Variants in IRF8 observed in about 807,000 individuals in gnomAD.
IRF8 encodes interferon regulatory factor 8, also known as interferon consensus sequence binding protein 1.
In IRF8, 14 loss-of-function variants were observed where a neutral mutation model predicts 48.7. That is an observed-to-expected ratio of 0.29 (90% CI 0.19 to 0.45). The LOEUF (loss-of-function observed/expected upper bound fraction) is 0.45. Ranked by LOEUF, IRF8 falls within the 20% of genes least tolerant of loss-of-function variation. IRF8 has a pLI of 1.00. For missense variants in IRF8, 493 were observed against 580.7 expected (o/e 0.85, Z 1.55); for synonymous variants, 278 against 227.3 (o/e 1.22, Z -2.01).
Position 85,913,026 on chromosome 16 carries a change from A to C in IRF8, c.448-105A>C. 3.4e-6 allele frequency: 3 copies of C among 873,880 alleles called. 1 individual carries two copies. In the South Asian group the frequency reaches 3.9e-5, roughly 11 times the overall value. 54.1% of individuals were successfully genotyped at this position (873,880 alleles called of 1,614,324 possible). A position where few individuals can be genotyped will look rare whatever the true frequency, so the allele number is the denominator to read the frequency against. The stretch of plus-strand genomic sequence containing the variant: ...TTTGTCTCCTGAGATAAAGGTGACA[A>C]TATGGTTTTACTTACACATGAACTG... On this transcript the variant is annotated intron_variant, in intron 4 of 8. Coordinates refer to ENST00000268638, the MANE Select transcript of IRF8 (RefSeq NM_002163.4).
chr16:85,911,603 A>G lies in IRF8; in HGVS notation c.392A>G (p.Asn131Ser), dbSNP rs867018516. Reference protein sequence around the residue: ...KLGVATAGCVNEVTEMECGRS... With the variant: ...KLGVATAGCVSEVTEMECGRS... ...GGCGTGGCAACTGCTGGCTGCGTGA[A>G]TGAAGTTACAGAGATGGAGTGCGGT... The change falls in exon 4 of 9, where the codon AAT (asparagine) becomes AGT (serine). Residue 131 changes from asparagine (N) to serine (S), a missense_variant. Around this residue, in one of 3 missense-constraint regions of IRF8, gnomAD observed 408 missense variants for 449.6 expected, o/e 0.91. Transcript: ENST00000268638. 1.2e-6 allele frequency: 2 copies of G among 1,614,116 alleles called. No individual in the cohort carries two copies. The highest frequency in any genetic ancestry group is 1.1e-5 in the South Asian group (1 of 91,086).
intron 5 of IRF8, chr16:85,914,124 A>C: frequency 2.9e-6 from 1 of 350,676 alleles, no homozygotes; most frequent in Non-Finnish European, 5.5e-6. Flanking sequence ...GCTCTCCCCC[A>C]GAGATAAGCC....
At chr16:85,900,194 G>C (rs538351115) in intron 1 of IRF8, among the ~76,000 whole-genome samples, 1 of 152,294 alleles carries the variant, frequency 6.6e-6, no homozygotes, top group African/African-American at 2.4e-5. Flanking sequence ...GGCCCTCCGA[G>C]GCGGGGGAGA....
chr16:85,919,237 C>T (rs545024159), intron 7 of IRF8, among the ~76,000 whole-genome samples: 2 of 152,296 alleles, frequency 1.3e-5, no homozygotes, highest in East Asian at 1.9e-4. Context: ...GCTGACTTTC[C>T]GCACACTAAG....
chr16:85,907,659 AGAGT>A (rs1411955692), intron 2 of IRF8, among the ~76,000 whole-genome samples: 10 of 152,224 alleles, frequency 6.6e-5, no homozygotes, highest in African/African-American at 2.4e-4. Context: ...GACTGGTGAC[AGAGT>A]GAGACTCCGT....
intron 2 of IRF8, among the ~76,000 whole-genome samples, chr16:85,903,797 A>C (rs1025274961): frequency 2.6e-5 from 4 of 152,140 alleles, no homozygotes; most frequent in African/African-American, 9.7e-5. Flanking sequence ...TTCTGCTCAC[A>C]TGATCCTGTG....
In IRF8 at chr16:85,914,145, G is replaced by A. The variant is rs182056137; in HGVS notation, c.554-328G>A. On this transcript the variant is annotated intron_variant, in intron 5 of 8. Transcript: ENST00000268638. ...CCCCAGAGATAAGCCCTGGGTGGTGGGTATGCAGTCCAGTGGTATTCTGGG... is the reference window on the plus strand; with the variant it reads ...CCCCAGAGATAAGCCCTGGGTGGTGAGTATGCAGTCCAGTGGTATTCTGGG... 5.6e-3 allele frequency: 2,224 copies of A among 396,938 alleles called. 25 individuals are homozygous for A. Among genetic ancestry groups the A allele is most frequent in the Non-Finnish European group, 9.0e-3 (1,877 of 208,210 alleles). The allele number at this position is 396,938 out of a possible 1,614,324, so 24.6% of individuals were successfully genotyped here.
chr16:85,911,852 G>A (rs1011804490), intron 4 of IRF8, among the ~76,000 whole-genome samples, 194 bp downstream of exon 4: 6 of 152,208 alleles, frequency 3.9e-5, no homozygotes, highest in African/African-American at 9.6e-5. Flanking sequence ...AGCTTCTGCC[G>A]ACAGGTCAAC....
rs757320154 is a variant in IRF8, at chr16:85,914,489, G to A, written c.570G>A (p.Thr190=). 27 of 1,614,132 alleles carry A rather than the reference G, an allele frequency of 1.7e-5. No homozygotes were observed. Among genetic ancestry groups the A allele is most frequent in the East Asian group, 6.7e-5 (3 of 44,866 alleles). ...CTCCTGCAGGCGTGCCGCTGGTGAC[G>A]GGGTACACCACCTACGACGCGCACC... The part of the protein sequence containing the change: ...QQPSTGVPLV[T]GYTTYDAHHS... The change falls in exon 6 of 9, where the codon ACG becomes ACA. Residue 190 remains threonine, a synonymous_variant. Coordinates refer to ENST00000268638, the MANE Select transcript of IRF8 (RefSeq NM_002163.4).
intron 1 of IRF8, chr16:85,902,546 G>T (rs186740908): frequency 4.4e-4 from 101 of 229,640 alleles, no homozygotes; most frequent in African/African-American, 2.1e-3. Context: ...CGGCACGGAC[G>T]CAGTATTCTA....
intron 7 of IRF8, among the ~76,000 whole-genome samples, chr16:85,919,627 C>T (rs909397949): frequency 6.6e-6 from 1 of 152,242 alleles, no homozygotes; most frequent in Non-Finnish European, 1.5e-5. Context: ...ACCTCACATC[C>T]TCTGATTCCA....
rs1167377783 is a variant in IRF8 at position 85,903,172 on chromosome 16, G to C, written c.157G>C (p.Asp53His). ...CAAGCAAGATTATAATCAGGAAGTG[G>C]ATGCCTCCATTTTTAAGGTAAAGAG... ...AGKQDYNQEV[D>H]ASIFKAWAVF... Residue 53 changes from aspartate (D) to histidine (H), a missense_variant, in exon 2 of 9, where the codon GAT becomes CAT. Asp to His is a moderately conservative substitution (Grantham distance 81). Around this residue, in one of 3 missense-constraint regions of IRF8, gnomAD observed 31 missense variants for 71.2 expected, o/e 0.44. Coordinates refer to ENST00000268638, the MANE Select transcript of IRF8 (RefSeq NM_002163.4). The C allele has an allele frequency of 6.2e-7, 1 of 1,614,110 alleles. No individual in the cohort carries two copies. Among genetic ancestry groups the C allele is most frequent in the East Asian group, 2.2e-5 (1 of 44,886 alleles).
intron 6 of IRF8, 130 bp downstream of exon 6, chr16:85,914,650 A>T: frequency 9.7e-7 from 1 of 1,030,040 alleles, no homozygotes. Flanking sequence ...GGTTCCAAGG[A>T]TGAGCAGGAC....
At chr16:85,916,499 C>T (rs1905310074) in intron 6 of IRF8, among the ~76,000 whole-genome samples, 2 of 152,220 alleles carry the variant, frequency 1.3e-5, no homozygotes, top group South Asian at 4.1e-4. Context: ...AGCTGCTTCT[C>T]ACCTGTCAGG....
chr16:85,905,987 A>G (rs961579601), intron 2 of IRF8, among the ~76,000 whole-genome samples: 3 of 152,228 alleles, frequency 2.0e-5, no homozygotes, highest in Admixed American at 6.5e-5. Context: ...GACCCTGAGT[A>G]CACTGATGAG....
intron 1 of IRF8, among the ~76,000 whole-genome samples, chr16:85,901,492 T>G (rs1295034548): frequency 6.6e-6 from 1 of 152,068 alleles, no homozygotes; most frequent in Non-Finnish European, 1.5e-5. Flanking sequence ...GTGGCATATG[T>G]CTGTAGTTCC....
At chr16:85,919,527 C>G (rs909461129) in intron 7 of IRF8, among the ~76,000 whole-genome samples, 3 of 152,174 alleles carry the variant, frequency 2.0e-5, no homozygotes, top group Non-Finnish European at 2.9e-5. Flanking sequence ...TGAGGAATCC[C>G]CCTAGTGAGG....
rs1177860791 is a variant in IRF8, at chr16:85,904,812, C to CTTTTTTTTTTTTTTTTT, written c.174+1627_174+1643dup. 1.9e-4 allele frequency among the ~76,000 whole-genome samples: 17 copies of CTTTTTTTTTTTTTTTTT among 87,624 alleles called. 1 individual carries two copies. Among genetic ancestry groups the CTTTTTTTTTTTTTTTTT allele is most frequent in the African/African-American group, 3.5e-4 (7 of 20,282 alleles). 57.5% of individuals were successfully genotyped at this position (87,624 alleles called of 152,430 possible). Reference sequence around the variant, plus strand: ...ATTTCTCTCTTGTTTGATTGCAGATCTTTTTTTTTTTTTTTTTTTTGCCTT... The same window carrying CTTTTTTTTTTTTTTTTT: ...ATTTCTCTCTTGTTTGATTGCAGATCTTTTTTTTTTTTTTTTTTTTTTTTTTTTTTTTTTTTTGCCTT... On this transcript the variant is annotated intron_variant, in intron 2 of 8. Transcript: ENST00000268638.
chr16:85,908,847 C>T (rs1436786413), intron 2 of IRF8, 143 bp from the exon 3 acceptor site: 4 of 794,818 alleles, frequency 5.0e-6, no homozygotes, highest in African/African-American at 1.7e-5. Flanking sequence ...ATTGGAGTCT[C>T]TTTGGGTCCT....
Sources: gnomAD v4.1 joint callset for allele counts (sites outside exome capture counted in the v4.1 genomes callset) on GRCh38, gnomAD v4.1.1 for gene constraint, gnomAD v4.1.1 regional missense constraint, MANE v1.5 for transcripts, NCBI Gene and HGNC (gene_info 2026-07-23, HGNC 2026-07-21) for gene names.